The following TSHR variants were observed in gnomAD, a reference collection of about 807,000 sequenced individuals.
The protein encoded by TSHR is thyrotropin receptor.
Under a neutral mutation model 64.1 loss-of-function variants are expected in TSHR, and 51 were observed. The observed-to-expected ratio is 0.80, with a 90% CI of 0.64 to 1.01. The LOEUF is 1.01. TSHR is among the 50% of genes least tolerant of loss of function. The pLI is 0.00. For missense variants in TSHR, 877 were observed against 942.8 expected, an observed-to-expected ratio of 0.93 and a Z score of 0.91; for synonymous variants, 361 against 361.9, an observed-to-expected ratio of 1.00 and a Z score of 0.03.
At chr14:80,959,590 C>T (rs2139682534) in intron 1 of TSHR, 1 of 152,304 alleles carries the variant, frequency 6.6e-6, no homozygotes, top group East Asian at 1.9e-4. Flanking sequence ...TTGTTTTAAC[C>T]CTGCTTTCAG....
chr14:80,983,298 G>A (rs1222225688), intron 1 of TSHR: 2 of 1,158,260 alleles, frequency 1.7e-6, no homozygotes, highest in African/African-American at 3.1e-5. Flanking sequence ...ACTGACTACT[G>A]ATTTTGTCCA....
At chr14:81,054,003 T>C (rs955407930) in intron 1 of TSHR, among the ~76,000 whole-genome samples, 6 of 152,198 alleles carry the variant, frequency 3.9e-5, no homozygotes, top group African/African-American at 1.2e-4. Context: ...GAAGTCAGAA[T>C]AGTAGTTATC....
At position 81,068,273 on chromosome 14, in the gene TSHR, A is replaced by G. The variant is rs1886805589; in HGVS notation, c.262A>G (p.Thr88Ala). 1 of 1,613,044 alleles carries G rather than the reference A, an allele frequency of 6.2e-7. No homozygotes were observed. The highest frequency in any genetic ancestry group is 1.1e-5 in the South Asian group (1 of 91,058). Residue 88 changes from threonine to alanine, a missense_variant, in exon 3 of 10, where the codon ACT (threonine) becomes GCT (alanine). By Grantham distance (58) the Thr-to-Ala change is moderately conservative. Coordinates refer to ENST00000298171, the MANE Select transcript of TSHR (RefSeq NM_000369.5). ...ATTCAGCTACGTATCTATAGATGTG[A>G]CTCTGCAGCAGCTGGAATCACACTC... is the stretch of plus-strand genomic sequence containing the variant. ...ISRIYVSIDV[T>A]LQQLESHSFY...
At chr14:81,052,976 A>G (rs1885520429) in intron 1 of TSHR, 1 of 152,066 alleles carries the variant, frequency 6.6e-6, no homozygotes, top group African/African-American at 2.4e-5. Context: ...TTTGTACTGT[A>G]CTGTAAAGAA....
At chr14:81,121,831 A>G (rs67045633) in intron 8 of TSHR, among the ~76,000 whole-genome samples, 35,870 of 150,686 alleles carry the variant, frequency 0.24, 4,325 homozygotes, top group East Asian at 0.3. Context: ...AGTCCCAGCT[A>G]CTTGGGAGGC....
At chr14:81,106,037 G>A (rs1454282171) in intron 7 of TSHR, among the ~76,000 whole-genome samples, 1 of 152,042 alleles carries the variant, frequency 6.6e-6, no homozygotes, top group Non-Finnish European at 1.5e-5. Flanking sequence ...GGTTAAAGGA[G>A]AGTCAAACAA....
chr14:81,027,484 T>A (rs1456926824), intron 1 of TSHR, among the ~76,000 whole-genome samples: 4 of 152,062 alleles, frequency 2.6e-5, no homozygotes. Flanking sequence ...GGCATAAATA[T>A]CTTATCTGAA....
chr14:81,044,964 A>G (rs372564185), intron 1 of TSHR, among the ~76,000 whole-genome samples: 1 of 152,158 alleles, frequency 6.6e-6, no homozygotes, highest in Non-Finnish European at 1.5e-5. Flanking sequence ...TCACTACAGC[A>G]CTATTCACAA....
Position 81,133,290 on chromosome 14 carries a change from C to T in TSHR, c.693-6389C>T, listed in dbSNP as rs555959274. Among the ~76,000 whole-genome samples, 279 of 152,114 alleles carry T rather than the reference C, an allele frequency of 1.8e-3. 1 individual carries two copies. The highest frequency in any genetic ancestry group is 3.5e-3 in the Non-Finnish European group (239 of 68,022). On this transcript the variant is annotated intron_variant, in intron 8 of 9. Coordinates refer to ENST00000298171, the MANE Select transcript of TSHR (RefSeq NM_000369.5). ...TACATTCACAGAAGACAGGTGAGAGCCCATCCATGGTCTGAAGAGCTACAG... is the reference window on the plus strand; with the variant it reads ...TACATTCACAGAAGACAGGTGAGAGTCCATCCATGGTCTGAAGAGCTACAG...
At chr14:81,130,254 A>G (rs952646681) in intron 8 of TSHR, among the ~76,000 whole-genome samples, 2 of 152,150 alleles carry the variant, frequency 1.3e-5, no homozygotes. Flanking sequence ...TGCAGCAACT[A>G]TCCCAATTTC....
intron 6 of TSHR, 23 bp from the exon 7 acceptor site, chr14:81,096,616 T>C (rs747516544): frequency 1.2e-6 from 2 of 1,612,210 alleles, no homozygotes; most frequent in South Asian, 1.1e-5. Flanking sequence ...GTCACTGATT[T>C]CTCTTCTCTC....
intron 1 of TSHR, among the ~76,000 whole-genome samples, chr14:80,962,717 G>T (rs1185105922): frequency 2.6e-5 from 4 of 152,240 alleles, no homozygotes; most frequent in African/African-American, 4.8e-5. Flanking sequence ...GAATATCAGA[G>T]TGACTATGCA....
intron 3 of TSHR, among the ~76,000 whole-genome samples, chr14:81,086,695 T>G (rs1043810632): frequency 6.6e-6 from 1 of 152,152 alleles, no homozygotes; most frequent in African/African-American, 2.4e-5. Context: ...TAATCAGAAG[T>G]GGCAGAGCCA....
At chr14:81,125,922 G>T (rs1891003779) in intron 8 of TSHR, among the ~76,000 whole-genome samples, 1 of 151,890 alleles carries the variant, frequency 6.6e-6, no homozygotes, top group South Asian at 2.1e-4. Context: ...GATCATGAAA[G>T]AATTTGAAGA....
chr14:81,045,555 C>T (rs1438997798), intron 1 of TSHR, among the ~76,000 whole-genome samples: 1 of 152,126 alleles, frequency 6.6e-6, no homozygotes, highest in African/African-American at 2.4e-5. Flanking sequence ...TCCCATGGCC[C>T]CCAACAGGCT....
At position 80,982,505 on chromosome 14, in the gene TSHR, T is replaced by C. The variant is rs1566747748; in HGVS notation, c.170+26655T>C. The C allele has an allele frequency of 3.8e-6, 4 of 1,044,148 alleles. No individual in the cohort carries two copies. In the African/African-American group the frequency reaches 4.9e-5, roughly 13 times the overall value. The allele number at this position is 1,044,148 out of a possible 1,614,324, so 64.7% of individuals were successfully genotyped here. ...GCTGAGGAAGAGGAGGAAGAGAATG[T>C]CATTGGGAACTGGTTTTGGGAAGGA... On this transcript the variant is annotated intron_variant, in intron 1 of 9. Coordinates refer to ENST00000298171, the MANE Select transcript of TSHR (RefSeq NM_000369.5).
intron 3 of TSHR, among the ~76,000 whole-genome samples, chr14:81,084,005 C>T (rs952308904): frequency 1.3e-5 from 2 of 152,240 alleles, no homozygotes; most frequent in South Asian, 2.1e-4. Flanking sequence ...AATCACCTCC[C>T]GCGAGGTCCC....
chr14:81,143,072 G>A lies in TSHR; in HGVS notation c.1014G>A (p.Lys338=), dbSNP rs1307883728. 6.2e-7 allele frequency: 1 copy of A among 1,614,024 alleles called. No homozygotes were observed. The highest frequency in any genetic ancestry group is 2.2e-5 in the East Asian group (1 of 44,886). The change falls in exon 10 of 10, where the codon AAG becomes AAA. Residue 338 remains lysine, a synonymous_variant. Transcript: ENST00000298171. ...TGGGTGACAGCATTGTTGGGTACAA[G>A]GAAAAGTCCAAGTTCCAGGATACTC... ...ENLGDSIVGY[K]EKSKFQDTHN...
intron 1 of TSHR, among the ~76,000 whole-genome samples, chr14:81,059,692 G>A (rs1886088083): frequency 6.6e-6 from 1 of 152,030 alleles, no homozygotes; most frequent in South Asian, 2.1e-4. Context: ...TTATTACTAA[G>A]ACAGATGCTC....
Sources: gnomAD v4.1 joint callset for allele counts (sites outside exome capture counted in the v4.1 genomes callset) on GRCh38, gnomAD v4.1.1 for gene constraint, MANE v1.5 for transcripts, NCBI Gene and HGNC (gene_info 2026-07-23, HGNC 2026-07-21) for gene names.